Variants in JPH2 observed in about 807,000 individuals in gnomAD.
JPH2 encodes junctophilin 2, also known as junctophilin-2.
In JPH2, 38 loss-of-function variants were observed where a neutral mutation model predicts 55.9. The observed-to-expected ratio is 0.68, with a 90% CI of 0.52 to 0.89. The LOEUF (loss-of-function observed/expected upper bound fraction) is 0.89. Among genes scored for constraint, JPH2 ranks in the 40% least tolerant of loss-of-function variants. The pLI, the probability that JPH2 is intolerant of heterozygous loss-of-function variation, is 0.00. For synonymous variants in JPH2, 480 were observed against 472.4 expected (o/e 1.02, Z -0.21); for missense variants, 964 against 1,037.6 (o/e 0.93, Z 0.97).
intron 3 of JPH2, among the ~76,000 whole-genome samples, chr20:44,117,752 C>T (rs1397605262): frequency 6.6e-6 from 1 of 152,162 alleles, no homozygotes; most frequent in Non-Finnish European, 1.5e-5. Flanking sequence ...CTTCCTCTTG[C>T]CTAACTGCTT....
chr20:44,106,640 G>A lies in JPH2; in HGVS notation c.*6878C>T, dbSNP rs993406997. Among the ~76,000 whole-genome samples, 4 of 152,138 alleles carry A rather than the reference G, an allele frequency of 2.6e-5. No individual in the cohort carries two copies. Among genetic ancestry groups the A allele is most frequent in the African/African-American group, 7.2e-5 (3 of 41,416 alleles). On this transcript the variant is annotated 3_prime_UTR_variant, in exon 6 of 6. Coordinates refer to ENST00000372980, the MANE Select transcript of JPH2 (RefSeq NM_020433.5). ...CTCACAGTTCCAAGTGGCTAGGGAAGCCTCACAATCATGGTGGAAGACAAG... is the reference window on the plus strand; with the variant it reads ...CTCACAGTTCCAAGTGGCTAGGGAAACCTCACAATCATGGTGGAAGACAAG...
intron 2 of JPH2, among the ~76,000 whole-genome samples, chr20:44,127,767 C>T (rs2072287943): frequency 6.6e-6 from 1 of 152,256 alleles, no homozygotes; most frequent in East Asian, 1.9e-4. Context: ...GGATTACAGG[C>T]GTGAGCCACC....
intron 2 of JPH2, among the ~76,000 whole-genome samples, chr20:44,122,111 C>T (rs1404995592): frequency 6.6e-6 from 1 of 152,148 alleles, no homozygotes; most frequent in Non-Finnish European, 1.5e-5. Context: ...GCTCAATTTC[C>T]ATTCAATAAC....
intron 2 of JPH2, among the ~76,000 whole-genome samples, chr20:44,126,164 GAGGGAGGA>G (rs534476589): frequency 1.7e-4 from 5 of 30,052 alleles, no homozygotes; most frequent in African/African-American, 4.5e-4. Flanking sequence ...GGGAGGGAGG[GAGGGAGGA>G]AGGAAGGAAG....
intron 2 of JPH2, among the ~76,000 whole-genome samples, chr20:44,134,877 TA>T (rs1569195757): frequency 3.0e-4 from 3 of 10,026 alleles, no homozygotes; most frequent in Non-Finnish European, 5.4e-4. Context: ...TATATATATT[TA>T]TATATATATT....
intron 1 of JPH2, among the ~76,000 whole-genome samples, chr20:44,162,787 TACAC>T (rs765198116): frequency 0.11 from 4,296 of 40,330 alleles, 316 homozygotes; most frequent in African/African-American, 0.16. Flanking sequence ...TATATATATA[TACAC>T]ACACACACAC....
At chr20:44,138,067 G>A (rs2072428141) in intron 2 of JPH2, among the ~76,000 whole-genome samples, 1 of 150,814 alleles carries the variant, frequency 6.6e-6, no homozygotes, top group African/African-American at 2.4e-5. Flanking sequence ...GAGTGCAGTG[G>A]TGCGATCTCG....
chr20:44,143,414 C>T (rs1042288398), intron 2 of JPH2, among the ~76,000 whole-genome samples: 2 of 152,328 alleles, frequency 1.3e-5, no homozygotes, highest in South Asian at 4.1e-4. Context: ...TGTCCAATTC[C>T]TGCCCAGAGC....
chr20:44,180,831 G>A (rs1422331563), intron 1 of JPH2, among the ~76,000 whole-genome samples: 1 of 151,780 alleles, frequency 6.6e-6, no homozygotes, highest in Admixed American at 6.6e-5. Flanking sequence ...GGTCTCTGAG[G>A]CCAACGCAGG....
At chr20:44,127,712 TCTC>T (rs2072287472) in intron 2 of JPH2, among the ~76,000 whole-genome samples, 1 of 152,034 alleles carries the variant, frequency 6.6e-6, no homozygotes, top group South Asian at 2.1e-4. Context: ...GATGGTCTCA[TCTC>T]CTGACCTCGT....
intron 5 of JPH2, 138 bp downstream of exon 5, chr20:44,114,644 T>G: frequency 4.6e-6 from 3 of 656,962 alleles, no homozygotes; most frequent in Non-Finnish European, 8.3e-6. Context: ...GGTCTTGGCT[T>G]CTGCAGGTGG....
Position 44,116,035 on chromosome 20 carries a change from G to A in JPH2, c.1640C>T (p.Ala547Val), listed in dbSNP as rs772283505. Residue 547 changes from alanine (A) to valine (V), a missense_variant, in exon 4 of 6, where the codon GCT becomes GTT. Ala to Val is a moderately conservative substitution (Grantham distance 64). Transcript: ENST00000372980. ...CGACGGCGCAGGCGGTGCCTGCAGA[G>A]CCTCGATGGCCATGCGCTCGGTGGC... Reference protein sequence around the residue: ...RPATERMAIEALQAPPAPSRE... With the variant: ...RPATERMAIEVLQAPPAPSRE... 5.7e-6 allele frequency: 9 copies of A among 1,574,322 alleles called. No individual in the cohort carries two copies. Among genetic ancestry groups the A allele is most frequent in the Non-Finnish European group, 6.8e-6 (8 of 1,169,058 alleles).
At chr20:44,118,270 G>C (rs541851165) in intron 3 of JPH2, among the ~76,000 whole-genome samples, 158 of 152,300 alleles carry the variant, frequency 1.0e-3, no homozygotes, top group African/African-American at 3.7e-3. Context: ...AGAGCAGAGA[G>C]AAAAGACCAC....
chr20:44,150,307 A>G (rs1353188180), intron 2 of JPH2, among the ~76,000 whole-genome samples: 1 of 152,248 alleles, frequency 6.6e-6, no homozygotes, highest in Admixed American at 6.5e-5. Context: ...AAAAAGAATA[A>G]AACATTTAGA....
At chr20:44,123,404 C>T (rs545774442) in intron 2 of JPH2, among the ~76,000 whole-genome samples, 1 of 152,340 alleles carries the variant, frequency 6.6e-6, no homozygotes, top group African/African-American at 2.4e-5. Context: ...AGGCTCACTC[C>T]TACAGCTGCT....
chr20:44,140,990 G>A (rs1304785288), intron 2 of JPH2, among the ~76,000 whole-genome samples: 1 of 152,158 alleles, frequency 6.6e-6, no homozygotes, highest in Non-Finnish European at 1.5e-5. Context: ...AATGATGTTT[G>A]TGCCTCTGTC....
At position 44,159,543 on chromosome 20, in the gene JPH2, C is replaced by A; in HGVS notation, c.1169+75G>T. 2 of 1,440,216 alleles carry A rather than the reference C, an allele frequency of 1.4e-6. No individual in the cohort carries two copies. Among genetic ancestry groups the A allele is most frequent in the Non-Finnish European group, 1.9e-6 (2 of 1,057,662 alleles). 89.2% of individuals were successfully genotyped at this position (1,440,216 alleles called of 1,614,324 possible). On this transcript the variant is annotated intron_variant, in intron 2 of 5. Transcript: ENST00000372980. This position sits in a 1 kb window ranked among gnomAD's most constrained non-coding sequence, Gnocchi z 5.7. ...GCAGAATCAGGCTTGGAGACAGGGCCTCCTAGGTTGCCCTGCCCCAGGACC... is the reference window on the plus strand; with the variant it reads ...GCAGAATCAGGCTTGGAGACAGGGCATCCTAGGTTGCCCTGCCCCAGGACC...
At position 44,186,533 on chromosome 20, in the gene JPH2, T is replaced by A; in HGVS notation, c.173A>T (p.Asn58Ile). The change falls in exon 1 of 6, where the codon AAC becomes ATC. Residue 58 changes from asparagine to isoleucine, a missense_variant. By Grantham distance (149) the Asn-to-Ile change is moderately radical. Transcript: ENST00000372980. ...VAGVYTWPSGNTFEGYWSQGK... is the reference protein window; with the variant it reads ...VAGVYTWPSGITFEGYWSQGK... ...CTGGCTCCAGTATCCCTCAAAGGTG[T>A]TTCCGCTGGGCCAGGTGTAGACACC... 1 of 1,613,738 alleles carries A rather than the reference T, an allele frequency of 6.2e-7. No homozygotes were observed.
chr20:44,177,184 G>A (rs748335419), intron 1 of JPH2: 10 of 985,568 alleles, frequency 1.0e-5, no homozygotes, highest in Non-Finnish European at 1.2e-5. Flanking sequence ...TTCAGCTCGG[G>A]AAGGGATAGG....
Sources: gnomAD v4.1 joint callset for allele counts (sites outside exome capture counted in the v4.1 genomes callset) on GRCh38, gnomAD v4.1.1 for gene constraint, Gnocchi (gnomAD v3.1) non-coding constraint, MANE v1.5 for transcripts, NCBI Gene and HGNC (gene_info 2026-07-23, HGNC 2026-07-21) for gene names.